PRKN: variants seen among roughly 807,000 people sequenced by gnomAD.
The protein encoded by PRKN is parkin RBR E3 ubiquitin protein ligase.
Under a neutral mutation model 59.5 loss-of-function variants are expected in PRKN, and 56 were observed. That is an observed-to-expected ratio of 0.94 (90% CI 0.76 to 1.18). The LOEUF (loss-of-function observed/expected upper bound fraction) is 1.18. Ranked by LOEUF, PRKN falls within the 50% of genes most tolerant of loss-of-function variation. The probability of loss-of-function intolerance (pLI) is 0.00; values close to 1 mark genes in which losing one functional copy is unlikely to be tolerated. For synonymous variants in PRKN, 250 were observed against 222.1 expected (o/e 1.13, Z -1.12); for missense variants, 657 against 596.4 (o/e 1.10, Z -1.06).
intron 3 of PRKN, among the ~76,000 whole-genome samples, chr6:162,214,540 T>C (rs2128076506): frequency 6.6e-6 from 1 of 152,334 alleles, no homozygotes; most frequent in South Asian, 2.1e-4. Flanking sequence ...CCAGTGGTTA[T>C]CCAAATTTGG....
chr6:162,499,956 T>A (rs1452106654), intron 1 of PRKN, among the ~76,000 whole-genome samples: 1 of 152,128 alleles, frequency 6.6e-6, no homozygotes, highest in Non-Finnish European at 1.5e-5. Flanking sequence ...AATATCTGAA[T>A]TAATAAACTG....
At chr6:162,411,098 A>G (rs886957396) in intron 2 of PRKN, among the ~76,000 whole-genome samples, 5 of 152,224 alleles carry the variant, frequency 3.3e-5, no homozygotes, top group African/African-American at 1.2e-4. Flanking sequence ...TTAAATTACA[A>G]TAATCTATTT....
rs148137838 is a variant in PRKN at position 161,858,136 on chromosome 6, G to A, written c.735-72228C>T. Among the ~76,000 whole-genome samples the A allele has an allele frequency of 9.4e-4, 143 of 152,288 alleles. 1 individual carries two copies. The highest frequency in any genetic ancestry group is 2.7e-3 in the African/African-American group (113 of 41,556). ...ACAAAAATAATAAAGTGCTTGCCAG[G>A]GTAGTTGATTCCTTTTGAAAACTGA... On this transcript the variant is annotated intron_variant, in intron 6 of 11. Transcript: ENST00000366898.
intron 3 of PRKN, among the ~76,000 whole-genome samples, chr6:162,255,577 C>T (rs776569400): frequency 7.9e-5 from 12 of 152,262 alleles, no homozygotes; most frequent in Middle Eastern, 6.8e-3. Flanking sequence ...CCAATTGCTG[C>T]TGCTGGCCCA....
At chr6:162,266,153 C>A (rs1583288934) in intron 2 of PRKN, among the ~76,000 whole-genome samples, 1 of 152,136 alleles carries the variant, frequency 6.6e-6, no homozygotes, top group African/African-American at 2.4e-5. Context: ...TTTTTCCCTA[C>A]CTTTCCATGT....
intron 5 of PRKN, among the ~76,000 whole-genome samples, chr6:161,987,875 G>A (rs866934243): frequency 2.0e-5 from 3 of 152,124 alleles, no homozygotes; most frequent in African/African-American, 7.2e-5. Context: ...GTGTTGGAGA[G>A]GCAAAGAAGG....
chr6:161,650,013 G>A (rs979780637), intron 7 of PRKN, among the ~76,000 whole-genome samples: 1 of 152,192 alleles, frequency 6.6e-6, no homozygotes, highest in Non-Finnish European at 1.5e-5. Context: ...CCAGCCCAGA[G>A]TCTCAGCTGA....
chr6:161,589,618 G>A (rs1413177195), intron 7 of PRKN, among the ~76,000 whole-genome samples: 1 of 151,820 alleles, frequency 6.6e-6, no homozygotes, highest in Non-Finnish European at 1.5e-5. Flanking sequence ...TCTATTTTGT[G>A]TATGTAATTC....
At chr6:161,672,868 G>A (rs1784959678) in intron 7 of PRKN, among the ~76,000 whole-genome samples, 1 of 152,180 alleles carries the variant, frequency 6.6e-6, no homozygotes, top group South Asian at 2.1e-4. Flanking sequence ...GAACTCTTGA[G>A]TCTCTGACCT....
intron 6 of PRKN, among the ~76,000 whole-genome samples, chr6:161,917,030 C>T (rs1778590803): frequency 1.3e-5 from 2 of 151,956 alleles, no homozygotes; most frequent in African/African-American, 4.8e-5. Flanking sequence ...TCTTGATCTC[C>T]TGACCTCGTG....
At chr6:162,568,445 G>A (rs940996647) in intron 1 of PRKN, 4 of 613,922 alleles carry the variant, frequency 6.5e-6, no homozygotes, top group African/African-American at 3.7e-5. Flanking sequence ...CAGCTTCCGG[G>A]GGTGGCCTGG....
intron 7 of PRKN, among the ~76,000 whole-genome samples, chr6:161,784,885 A>G (rs1263934710): frequency 1.3e-5 from 2 of 152,254 alleles, no homozygotes; most frequent in Non-Finnish European, 2.9e-5. Flanking sequence ...GAATGGACAC[A>G]CAAATTGTGG....
intron 1 of PRKN, among the ~76,000 whole-genome samples, chr6:162,519,917 A>G (rs890494500): frequency 2.6e-5 from 4 of 152,186 alleles, no homozygotes; most frequent in African/African-American, 9.7e-5. Flanking sequence ...AATCAATAAA[A>G]TAATTGAAGA....
intron 7 of PRKN, among the ~76,000 whole-genome samples, chr6:161,643,508 T>C (rs1783815706): frequency 6.6e-6 from 1 of 152,222 alleles, no homozygotes; most frequent in South Asian, 2.1e-4. Context: ...AAAAATAATA[T>C]ATTCTAAATG....
At chr6:161,913,348 A>C (rs532336354) in intron 6 of PRKN, among the ~76,000 whole-genome samples, 24 of 152,296 alleles carry the variant, frequency 1.6e-4, no homozygotes, top group African/African-American at 5.3e-4. Flanking sequence ...ATAAGAAAAA[A>C]GTCAACTCAA....
chr6:162,527,857 G>A (rs1056569626), intron 1 of PRKN, among the ~76,000 whole-genome samples: 8 of 152,196 alleles, frequency 5.3e-5, no homozygotes, highest in Non-Finnish European at 1.2e-4. Flanking sequence ...GGACATTACA[G>A]TTAAGCCACC....
intron 1 of PRKN, among the ~76,000 whole-genome samples, chr6:162,474,383 C>T (rs375184507): frequency 2.0e-5 from 3 of 151,930 alleles, no homozygotes; most frequent in South Asian, 4.2e-4. Context: ...TATTTGAATG[C>T]TTTTTTTTAG....
intron 3 of PRKN, among the ~76,000 whole-genome samples, chr6:162,228,758 T>G (rs1460954866): frequency 6.6e-6 from 1 of 152,182 alleles, no homozygotes; most frequent in East Asian, 1.9e-4. Context: ...TATTGCACTT[T>G]ACATATTGGT....
At chr6:162,416,715 C>T (rs1462750576) in intron 2 of PRKN, among the ~76,000 whole-genome samples, 9 of 152,110 alleles carry the variant, frequency 5.9e-5, no homozygotes. Context: ...TTCTTAATAA[C>T]TTACCTACTT....
Sources: allele counts gnomAD v4.1 joint callset (sites outside exome capture counted in the v4.1 genomes callset), GRCh38; gene constraint gnomAD v4.1.1; transcripts MANE v1.5; gene names NCBI Gene and HGNC (gene_info 2026-07-23, HGNC 2026-07-21).